LARGE1: variants seen among roughly 807,000 people sequenced by gnomAD.
LARGE1 encodes the protein LARGE xylosyl- and glucuronyltransferase 1.
LARGE1 carries 43 observed loss-of-function variants against 87.6 expected under a neutral mutation model. That is an observed-to-expected ratio of 0.49 (90% CI 0.38 to 0.63). The LOEUF (loss-of-function observed/expected upper bound fraction) is 0.63, where lower values mean the gene tolerates loss of function less well. Among genes scored for constraint, LARGE1 ranks in the 30% least tolerant of loss-of-function variants. The pLI, the probability that LARGE1 is intolerant of heterozygous loss-of-function variation, is 0.00. For synonymous variants in LARGE1, 434 were observed against 394.6 expected, an observed-to-expected ratio of 1.10 and a Z score of -1.18; for missense variants, 802 against 1,000.2, an observed-to-expected ratio of 0.80 and a Z score of 2.67.
At chr22:33,891,780 G>GT (rs1160629693) in intron 1 of LARGE1, among the ~76,000 whole-genome samples, 2 of 152,232 alleles carry the variant, frequency 1.3e-5, no homozygotes, top group Admixed American at 6.5e-5. Context: ...GTAGCTTTAA[G>GT]TTGTAAGAGC....
intron 1 of LARGE1, among the ~76,000 whole-genome samples, chr22:33,833,036 G>A (rs951190382): frequency 6.6e-6 from 1 of 152,172 alleles, no homozygotes; most frequent in African/African-American, 2.4e-5. Context: ...CGGGAGAACT[G>A]CAGGATGCCC....
At chr22:33,371,026 T>C (rs905402493) in intron 9 of LARGE1, among the ~76,000 whole-genome samples, 20 of 150,674 alleles carry the variant, frequency 1.3e-4, no homozygotes, top group Admixed American at 1.2e-3. Flanking sequence ...AATATAATAT[T>C]CATAGTATAT....
chr22:33,123,845 G>T, the LARGE1 span, among the ~76,000 whole-genome samples: 2 of 152,202 alleles, frequency 1.3e-5, no homozygotes, highest in Non-Finnish European at 2.9e-5. Context: ...GTGGAACTGG[G>T]TGAAGGCCTG....
At chr22:33,412,751 T>C (rs549884373) in intron 7 of LARGE1, among the ~76,000 whole-genome samples, 4 of 152,196 alleles carry the variant, frequency 2.6e-5, no homozygotes, top group African/African-American at 7.2e-5. Context: ...ACCTCTACCT[T>C]GCTGGTTCAA....
At chr22:33,890,660 C>T (rs1420453284) in intron 1 of LARGE1, among the ~76,000 whole-genome samples, 1 of 152,104 alleles carries the variant, frequency 6.6e-6, no homozygotes, top group Non-Finnish European at 1.5e-5. Flanking sequence ...CTACAACAAG[C>T]TATTTCAAAT....
intron 4 of LARGE1, among the ~76,000 whole-genome samples, chr22:33,616,735 T>C (rs575437846): frequency 6.6e-6 from 1 of 152,278 alleles, no homozygotes; most frequent in Admixed American, 6.5e-5. Flanking sequence ...TACTGTATGA[T>C]TTCACTTTCA....
intron 7 of LARGE1, among the ~76,000 whole-genome samples, chr22:33,411,993 T>C (rs754356086): frequency 1.3e-5 from 2 of 152,114 alleles, no homozygotes; most frequent in African/African-American, 2.4e-5. Context: ...GTGAAAAATA[T>C]ATATTATTGG....
intron 6 of LARGE1, among the ~76,000 whole-genome samples, chr22:33,454,616 T>TA (rs563852024): frequency 0.07 from 7,781 of 111,304 alleles, 276 homozygotes; most frequent in Middle Eastern, 0.12. Context: ...AGACTCTGTC[T>TA]AAAAAAAAAA....
chr22:33,327,487 G>A (rs1937341703), intron 10 of LARGE1, among the ~76,000 whole-genome samples: 1 of 152,132 alleles, frequency 6.6e-6, no homozygotes, highest in Admixed American at 6.5e-5. Flanking sequence ...GCCTGGTGTG[G>A]GTGCATTTAC....
intron 11 of LARGE1, among the ~76,000 whole-genome samples, chr22:33,222,706 T>C (rs1568979356): frequency 6.6e-6 from 1 of 151,844 alleles, no homozygotes; most frequent in African/African-American, 2.4e-5. Context: ...AGGCAAGGAG[T>C]AGAGCCTTCA....
intron 1 of LARGE1, among the ~76,000 whole-genome samples, chr22:33,900,798 G>A (rs2065261562): frequency 6.6e-6 from 1 of 152,192 alleles, no homozygotes; most frequent in African/African-American, 2.4e-5. Context: ...TGTAATCCCA[G>A]CACTTTGGGA....
At chr22:33,775,922 T>A (rs1394404227) in intron 1 of LARGE1, among the ~76,000 whole-genome samples, 1 of 150,440 alleles carries the variant, frequency 6.6e-6, no homozygotes, top group Middle Eastern at 3.3e-3. Flanking sequence ...TCAGGAATGC[T>A]AATAAACATC....
intron 2 of LARGE1, among the ~76,000 whole-genome samples, chr22:33,752,291 T>C (rs2084347121): frequency 6.6e-6 from 1 of 152,142 alleles, no homozygotes; most frequent in East Asian, 1.9e-4. Flanking sequence ...CCAAAGTAGT[T>C]ATATAAATGG....
chr22:33,367,211 T>C (rs960152928), intron 9 of LARGE1, among the ~76,000 whole-genome samples: 16 of 152,158 alleles, frequency 1.1e-4, no homozygotes, highest in African/African-American at 3.9e-4. Context: ...AACTCAGAAG[T>C]CACTTGCTCA....
intron 5 of LARGE1, among the ~76,000 whole-genome samples, chr22:33,580,086 G>A (rs1189394040): frequency 6.6e-6 from 1 of 152,138 alleles, no homozygotes; most frequent in African/African-American, 2.4e-5. Flanking sequence ...GCAGACACAA[G>A]GCGGCCGGGC....
At chr22:33,085,058 C>T in the LARGE1 span, among the ~76,000 whole-genome samples, 2 of 152,172 alleles carry the variant, frequency 1.3e-5, no homozygotes, top group South Asian at 2.1e-4. Flanking sequence ...GGTGGATCAC[C>T]TGAGGTCAGG....
intron 1 of LARGE1, among the ~76,000 whole-genome samples, chr22:33,914,056 C>A (rs1276954837): frequency 1.3e-5 from 2 of 152,172 alleles, no homozygotes; most frequent in African/African-American, 4.8e-5. Context: ...ATGCCCACTT[C>A]TCCTAAAATA....
the LARGE1 span, among the ~76,000 whole-genome samples, chr22:33,120,407 T>TTTCTTTCTTTCA: frequency 4.0e-5 from 4 of 99,180 alleles, no homozygotes; most frequent in African/African-American, 1.2e-4. Flanking sequence ...TCTTTCTTTC[T>TTTCTTTCTTTCA]TTCCTTCTTT....
chr22:33,729,847 G>A (rs1032174979), intron 2 of LARGE1, among the ~76,000 whole-genome samples: 1 of 152,322 alleles, frequency 6.6e-6, no homozygotes, highest in East Asian at 1.9e-4. Context: ...ACATGTAGAG[G>A]CTCTCATGCT....
Sources: allele counts gnomAD v4.1 joint callset (sites outside exome capture counted in the v4.1 genomes callset), GRCh38; gene constraint gnomAD v4.1.1; transcripts MANE v1.5; gene names NCBI Gene and HGNC (gene_info 2026-07-23, HGNC 2026-07-21).